The following BMPR1A variants were observed in gnomAD, a reference collection of about 807,000 sequenced individuals.
BMPR1A encodes bone morphogenetic protein receptor type-1A.
A neutral mutation model predicts 66.0 loss-of-function variants in BMPR1A; 7 were observed. The ratio of observed to expected loss-of-function variants is 0.11; its 90% confidence interval spans 0.06 to 0.20. The LOEUF is 0.20. BMPR1A is among the 10% of genes least tolerant of loss of function. The pLI is 1.00. For synonymous variants in BMPR1A, 200 were observed against 229.7 expected (o/e 0.87, Z 1.17); for missense variants, 408 against 669.1 (o/e 0.61, Z 4.31).
intron 3 of BMPR1A, among the ~76,000 whole-genome samples, chr10:86,876,538 C>G (rs1014242434): frequency 1.7e-4 from 26 of 152,130 alleles, no homozygotes; most frequent in African/African-American, 6.3e-4. Context: ...AATCCCAGCG[C>G]TTTGGGAGGC....
At chr10:86,905,112 T>C (rs777777855) in intron 7 of BMPR1A, among the ~76,000 whole-genome samples, 5 of 152,212 alleles carry the variant, frequency 3.3e-5, no homozygotes, top group Non-Finnish European at 5.9e-5. Flanking sequence ...TGTTTCCCTT[T>C]TTTCTGATGT....
At chr10:86,763,942 C>T (rs1446778488) in intron 1 of BMPR1A, among the ~76,000 whole-genome samples, 8 of 152,050 alleles carry the variant, frequency 5.3e-5, no homozygotes, top group Non-Finnish European at 2.9e-5. Context: ...AGGAGCCCGC[C>T]ACCACGCCTA....
At chr10:86,762,291 T>C (rs1241159640) in intron 1 of BMPR1A, among the ~76,000 whole-genome samples, 2 of 152,258 alleles carry the variant, frequency 1.3e-5, no homozygotes, top group Non-Finnish European at 2.9e-5. Context: ...TTACAGGTTA[T>C]AGGTTATAGA....
At chr10:86,835,249 G>GAAAAAAAAA (rs200647478) in intron 1 of BMPR1A, among the ~76,000 whole-genome samples, 17 of 117,394 alleles carry the variant, frequency 1.4e-4, no homozygotes, top group Non-Finnish European at 2.9e-4. Context: ...AAGAAAAAAA[G>GAAAAAAAAA]AAAAAAAAAA....
intron 1 of BMPR1A, among the ~76,000 whole-genome samples, chr10:86,813,303 C>A (rs1841994265): frequency 6.6e-6 from 1 of 152,122 alleles, no homozygotes; most frequent in South Asian, 2.1e-4. Flanking sequence ...ATGAGACTTT[C>A]CGGGAACATC....
intron 1 of BMPR1A, among the ~76,000 whole-genome samples, chr10:86,783,168 A>G (rs973398965): frequency 9.2e-5 from 14 of 152,216 alleles, no homozygotes; most frequent in African/African-American, 3.1e-4. Flanking sequence ...ATTTGACCAC[A>G]TACACAGGGG....
At chr10:86,792,092 G>A (rs1841636495) in intron 1 of BMPR1A, among the ~76,000 whole-genome samples, 1 of 124,350 alleles carries the variant, frequency 8.0e-6, no homozygotes, top group Admixed American at 8.6e-5. Context: ...TTTTTTAGAT[G>A]GACTCTTACT....
intron 2 of BMPR1A, among the ~76,000 whole-genome samples, chr10:86,840,642 C>T (rs1842413866): frequency 1.3e-5 from 2 of 152,114 alleles, no homozygotes. Context: ...CCCATATTTT[C>T]ATCTGTTTAC....
intron 1 of BMPR1A, among the ~76,000 whole-genome samples, chr10:86,796,759 G>C (rs1366482905): frequency 6.6e-6 from 1 of 151,538 alleles, no homozygotes; most frequent in African/African-American, 2.4e-5. Flanking sequence ...TTTTTGTAGA[G>C]ACAGGGTTTT....
intron 2 of BMPR1A, chr10:86,855,257 A>G: frequency 1.8e-6 from 2 of 1,094,238 alleles, no homozygotes; most frequent in Non-Finnish European, 2.5e-6. Flanking sequence ...CAGAAGCATA[A>G]TTCTGGCCAT....
chr10:86,923,541 G>A (rs779772291), intron 12 of BMPR1A, 35 bp downstream of exon 12: 22 of 1,614,208 alleles, frequency 1.4e-5, no homozygotes, highest in East Asian at 6.7e-5. Context: ...GAAGTGATTC[G>A]TAAATGCCAC....
intron 1 of BMPR1A, among the ~76,000 whole-genome samples, chr10:86,782,271 G>A (rs1841448783): frequency 6.6e-6 from 1 of 152,170 alleles, no homozygotes; most frequent in East Asian, 1.9e-4. Context: ...GGCTATTGTA[G>A]TGAATAGTGC....
chr10:86,799,313 A>G (rs1841771997), intron 1 of BMPR1A, among the ~76,000 whole-genome samples: 1 of 152,192 alleles, frequency 6.6e-6, no homozygotes, highest in Non-Finnish European at 1.5e-5. Flanking sequence ...AAAATGAGAT[A>G]ATAATATCAA....
At position 86,876,077 on chromosome 10, in the gene BMPR1A, G is replaced by A. The variant is rs759014147; in HGVS notation, c.59G>A (p.Arg20His). 17 of 1,609,972 alleles carry A rather than the reference G, an allele frequency of 1.1e-5. No individual in the cohort carries two copies. The Admixed American group carries it at 1.2e-4, about 11-fold the overall frequency. Residue 20 changes from arginine (R) to histidine (H), a missense_variant, in exon 3 of 13, where the codon CGT becomes CAT. Arg to His is a conservative substitution (Grantham distance 29, BLOSUM62 0). This residue lies in a region of BMPR1A where 68 missense variants were observed against 83.0 expected (regional missense o/e 0.82). Coordinates refer to ENST00000372037, the MANE Select transcript of BMPR1A (RefSeq NM_004329.3). ...LLGAYLFIIS[R>H]VQGQNLDSML... ...GGAGCCTATTTGTTCATCATTTCTCGTGTTCAAGGTAAATCAGTGTTCATT... is the reference window on the plus strand; with the variant it reads ...GGAGCCTATTTGTTCATCATTTCTCATGTTCAAGGTAAATCAGTGTTCATT...
chr10:86,908,362 C>T (rs1843426942), intron 7 of BMPR1A, among the ~76,000 whole-genome samples: 4 of 152,166 alleles, frequency 2.6e-5, no homozygotes, highest in Admixed American at 6.5e-5. Context: ...AAAAGAACAA[C>T]AGACATTGAA....
At chr10:86,757,271 T>C (rs1229428631) in intron 1 of BMPR1A, among the ~76,000 whole-genome samples, 3 of 152,094 alleles carry the variant, frequency 2.0e-5, no homozygotes. Flanking sequence ...GAGGCTGATA[T>C]TTGTGATTTG....
In BMPR1A at chr10:86,875,983, A is replaced by T. The variant is rs552863247; in HGVS notation, c.-36A>T. 1 of 1,521,392 alleles carries T rather than the reference A, an allele frequency of 6.6e-7. No homozygotes were observed. The highest frequency in any genetic ancestry group is 1.4e-5 in the African/African-American group (1 of 71,608). 94.2% of individuals were successfully genotyped at this position (1,521,392 alleles called of 1,614,324 possible). Reference sequence around the variant, plus strand: ...GGTGAAGTAGCAAGACCAATTATTAAAGGTGACAGTACACAGGAAACATTA... The same window carrying T: ...GGTGAAGTAGCAAGACCAATTATTATAGGTGACAGTACACAGGAAACATTA... On this transcript the variant is annotated 5_prime_UTR_variant, in exon 3 of 13. Transcript: ENST00000372037.
chr10:86,804,537 A>G (rs898616224), intron 1 of BMPR1A, among the ~76,000 whole-genome samples: 7 of 152,104 alleles, frequency 4.6e-5, no homozygotes, highest in African/African-American at 1.7e-4. Flanking sequence ...CCAGCCACAC[A>G]TGATTTTCTT....
At chr10:86,870,900 C>T (rs1247044992) in intron 2 of BMPR1A, among the ~76,000 whole-genome samples, 2 of 152,084 alleles carry the variant, frequency 1.3e-5, no homozygotes, top group Non-Finnish European at 2.9e-5. Flanking sequence ...GCTATTATCC[C>T]CTCCAGTCCA....
Sources: gnomAD v4.1 joint callset for allele counts (sites outside exome capture counted in the v4.1 genomes callset) on GRCh38, gnomAD v4.1.1 for gene constraint, gnomAD v4.1.1 regional missense constraint, MANE v1.5 for transcripts, NCBI Gene and HGNC (gene_info 2026-07-23, HGNC 2026-07-21) for gene names.